ELSPBP1: variants seen among roughly 807,000 people sequenced by gnomAD.
ELSPBP1 encodes the protein epididymal sperm-binding protein 1.
Under a neutral mutation model 33.3 loss-of-function variants are expected in ELSPBP1, and 38 were observed. That is an observed-to-expected ratio of 1.14 (90% CI 0.88 to 1.50). The LOEUF is 1.50. Among genes scored for constraint, ELSPBP1 ranks in the 40% most tolerant of loss-of-function variants. The pLI is 0.00. For synonymous variants in ELSPBP1, 85 were observed against 94.1 expected (o/e 0.90, Z 0.56); for missense variants, 267 against 263.5 (o/e 1.01, Z -0.09).
intron 1 of ELSPBP1, among the ~76,000 whole-genome samples, chr19:47,996,348 T>C (rs1966911427): frequency 1.3e-5 from 2 of 152,188 alleles, no homozygotes; most frequent in African/African-American, 4.8e-5. Flanking sequence ...TTCTTATGGA[T>C]GGTGGGTTTC....
In ELSPBP1 at chr19:48,000,002, TG is replaced by T. The variant is rs1966951014; in HGVS notation, c.-18+5192del. Among the ~76,000 whole-genome samples, 3 of 151,810 alleles carry T rather than the reference TG, an allele frequency of 2.0e-5. No homozygotes were observed. The South Asian group carries it at 6.2e-4, about 32-fold the overall frequency. On this transcript the variant is annotated intron_variant, in intron 1 of 6. Coordinates refer to ENST00000339841, the MANE Select transcript of ELSPBP1 (RefSeq NM_022142.5). The stretch of plus-strand genomic sequence containing the variant: ...CTTGCTCAACTAATTTTTAATATTT[TG>T]TAGAGAAGGAGGGGGTCTCACTACG...
intron 2 of ELSPBP1, among the ~76,000 whole-genome samples, chr19:48,009,844 A>T (rs1414647552): frequency 6.6e-6 from 1 of 152,068 alleles, no homozygotes; most frequent in Non-Finnish European, 1.5e-5. Context: ...TCAGGAAACA[A>T]TGCTCCACAT....
At chr19:48,022,361 T>C in intron 6 of ELSPBP1, 27 bp downstream of exon 6, 8 of 1,574,508 alleles carry the variant, frequency 5.1e-6, no homozygotes, top group Non-Finnish European at 6.0e-6. Context: ...ACAGTGGTCA[T>C]TTCACGGATG....
chr19:48,004,904 A>G (rs1967002326), intron 1 of ELSPBP1, among the ~76,000 whole-genome samples: 1 of 152,242 alleles, frequency 6.6e-6, no homozygotes, highest in Admixed American at 6.5e-5. Flanking sequence ...AGCATGCATC[A>G]GGAAAGGGCC....
rs1237205636 is a variant in ELSPBP1, at chr19:48,015,914, C to T, written c.230C>T (p.Pro77Leu). 4 of 1,611,870 alleles carry T rather than the reference C, an allele frequency of 2.5e-6. No homozygotes were observed. The highest frequency in any genetic ancestry group is 1.7e-5 in the Admixed American group (1 of 59,992). The part of the protein sequence containing the change: ...QSEDYPRCIF[P>L]FIYRGKAYNS... ...ACAGATTACCCACGCTGTATCTTCC[C>T]TTTCATCTATCGAGGAAAGGCTTAT... The change falls in exon 4 of 7, where the codon CCT becomes CTT. Residue 77 changes from proline (P) to leucine (L), a missense_variant. By Grantham distance (98) the Pro-to-Leu change is moderately conservative (BLOSUM62 -3). Coordinates refer to ENST00000339841, the MANE Select transcript of ELSPBP1 (RefSeq NM_022142.5).
chr19:48,021,920 T>A lies in ELSPBP1; in HGVS notation c.515-250T>A, dbSNP rs190293858. The stretch of plus-strand genomic sequence containing the variant: ...CACCACACCCAACTAATTAAAAAAA[T>A]TTTTTTTGTAGGGACGGGGTTTCAC... On this transcript the variant is annotated intron_variant, in intron 5 of 6. Transcript: ENST00000339841. Among the ~76,000 whole-genome samples the A allele has an allele frequency of 5.8e-4, 89 of 152,142 alleles. 2 individuals are homozygous for A. Among genetic ancestry groups the A allele is most frequent in the East Asian group, 4.4e-3 (23 of 5,172 alleles).
intron 2 of ELSPBP1, among the ~76,000 whole-genome samples, chr19:48,010,706 C>T (rs1183560881): frequency 6.8e-6 from 1 of 146,646 alleles, no homozygotes; most frequent in African/African-American, 2.5e-5. Context: ...AGGGCAGGAC[C>T]AAAATCTCAA....
At chr19:48,020,189 C>T (rs573899353) in intron 5 of ELSPBP1, among the ~76,000 whole-genome samples, 5 of 152,196 alleles carry the variant, frequency 3.3e-5, no homozygotes, top group African/African-American at 9.6e-5. Flanking sequence ...TGGTGGCTCA[C>T]GCCTATAATC....
chr19:48,024,938 C>T lies in ELSPBP1; in HGVS notation c.*8-14C>T, dbSNP rs1967254526. On this transcript the variant is annotated splice_polypyrimidine_tract_variant and intron_variant, in intron 6 of 6. Transcript: ENST00000339841. The stretch of plus-strand genomic sequence containing the variant: ...CTTATTCATTAAACTCAGATCTTTG[C>T]TTCTATTTTCAAGGAAAGGAGAAAT... 6.6e-6 allele frequency: 1 copy of T among 152,140 alleles called. No individual in the cohort carries two copies. The highest frequency in any genetic ancestry group is 1.5e-5 in the Non-Finnish European group (1 of 68,022). The allele number at this position is 152,140 out of a possible 1,614,324, so 9.4% of individuals were successfully genotyped here. A position where few individuals can be genotyped will look rare whatever the true frequency, so the allele number is the denominator to read the frequency against.
intron 1 of ELSPBP1, among the ~76,000 whole-genome samples, chr19:48,007,652 GTAA>G (rs1967035375): frequency 6.6e-6 from 1 of 152,150 alleles, no homozygotes; most frequent in Non-Finnish European, 1.5e-5. Context: ...AATGAGGACG[GTAA>G]ATGCTAATCA....
At chr19:48,016,527 T>TTC (rs1967142193) in intron 4 of ELSPBP1, among the ~76,000 whole-genome samples, 1 of 50,478 alleles carries the variant, frequency 2.0e-5, no homozygotes, top group Admixed American at 2.0e-4. Context: ...TTTCTTTCTT[T>TTC]CTTCCTTCCT....
intron 6 of ELSPBP1, among the ~76,000 whole-genome samples, chr19:48,024,516 C>T (rs73567249): frequency 0.11 from 17,095 of 152,066 alleles, 1,822 homozygotes; most frequent in African/African-American, 0.28. Flanking sequence ...ACTAAATTAG[C>T]GGGCCCTTCC....
chr19:48,004,047 G>A (rs947107239), intron 1 of ELSPBP1, among the ~76,000 whole-genome samples: 3 of 151,494 alleles, frequency 2.0e-5, no homozygotes, highest in African/African-American at 2.4e-5. Flanking sequence ...GGGTTCAAGC[G>A]ATTTTCCTGG....
At chr19:48,023,448 AAGGGAGGAG>A (rs1967229050) in intron 6 of ELSPBP1, among the ~76,000 whole-genome samples, 1 of 106,178 alleles carries the variant, frequency 9.4e-6, no homozygotes, top group African/African-American at 3.4e-5. Context: ...GAAAGTAGGA[AAGGGAGGAG>A]GGAAGGAATG....
In ELSPBP1 at chr19:48,011,606, G is replaced by T. The variant is rs574254969; in HGVS notation, c.71-2565G>T. The stretch of plus-strand genomic sequence containing the variant: ...TAATGACAATAATGAGGTGGATTAT[G>T]ATGACAATGATGATGACAACGATGA... On this transcript the variant is annotated intron_variant, in intron 2 of 6. Coordinates refer to ENST00000339841, the MANE Select transcript of ELSPBP1 (RefSeq NM_022142.5). This position sits in a 1 kb window ranked among gnomAD's most constrained non-coding sequence, Gnocchi z 4.5. Among the ~76,000 whole-genome samples the T allele has an allele frequency of 6.9e-6, 1 of 145,204 alleles. No homozygotes were observed. Among genetic ancestry groups the T allele is most frequent in the Non-Finnish European group, 1.5e-5 (1 of 65,994 alleles).
chr19:48,023,980 C>T (rs894673665), intron 6 of ELSPBP1, among the ~76,000 whole-genome samples: 2 of 151,878 alleles, frequency 1.3e-5, no homozygotes, highest in Non-Finnish European at 2.9e-5. Context: ...AAGAAATTCT[C>T]CCACCTCAGC....
chr19:48,017,232 A>C (rs1967152051), intron 4 of ELSPBP1, among the ~76,000 whole-genome samples: 1 of 152,066 alleles, frequency 6.6e-6, no homozygotes. Context: ...GTGTGAAGGC[A>C]GTTATTCGTA....
At chr19:47,998,719 G>A (rs1007700111) in intron 1 of ELSPBP1, among the ~76,000 whole-genome samples, 1 of 151,028 alleles carries the variant, frequency 6.6e-6, no homozygotes, top group African/African-American at 2.4e-5. Flanking sequence ...CCCGGGAGGC[G>A]GAGCTTGCAG....
intron 2 of ELSPBP1, among the ~76,000 whole-genome samples, chr19:48,010,309 C>T (rs1322121077): frequency 1.3e-5 from 2 of 152,134 alleles, no homozygotes; most frequent in Admixed American, 6.6e-5. Context: ...TAGTTATAAT[C>T]TCATTTTTGT....
Sources: allele counts gnomAD v4.1 joint callset (sites outside exome capture counted in the v4.1 genomes callset), GRCh38; gene constraint gnomAD v4.1.1; non-coding constraint Gnocchi (gnomAD v3.1); transcripts MANE v1.5; gene names NCBI Gene and HGNC (gene_info 2026-07-23, HGNC 2026-07-21).